Variants in PUDP observed in about 807,000 individuals in gnomAD.
The protein encoded by PUDP is pseudouridine 5'-phosphatase.
PUDP carries 8 observed loss-of-function variants against 9.4 expected under a neutral mutation model. The observed-to-expected ratio is 0.85, with a 90% CI of 0.50 to 1.53. The LOEUF (loss-of-function observed/expected upper bound fraction) is 1.53, where lower values mean the gene tolerates loss of function less well. PUDP is among the 40% of genes most tolerant of loss of function. The pLI, the probability that PUDP is intolerant of heterozygous loss-of-function variation, is 0.00. For missense variants in PUDP, 188 were observed against 189.7 expected (o/e 0.99, Z 0.05); for synonymous variants, 99 against 80.7 (o/e 1.23, Z -1.22).
intron 1 of PUDP, among the ~76,000 whole-genome samples, chrX:7,143,246 T>G (rs895066632): frequency 8.9e-6 from 1 of 111,747 alleles, no homozygotes; most frequent in Admixed American, 9.5e-5. Context: ...CCTAACCTTA[T>G]GTGTACTGGG....
At chrX:6,804,598 T>A (rs1213277664) in intron 3 of PUDP, among the ~76,000 whole-genome samples, 1 of 111,537 alleles carries the variant, frequency 9.0e-6, no homozygotes, top group Non-Finnish European at 1.9e-5. Flanking sequence ...GGGATTGTTT[T>A]GAGTGTCTTA....
intron 2 of PUDP, among the ~76,000 whole-genome samples, chrX:7,082,544 G>C (rs886346573): frequency 2.7e-5 from 3 of 112,314 alleles, no homozygotes; most frequent in Admixed American, 1.9e-4. Context: ...TGTGTGCCGA[G>C]AACCATGTCC....
chrX:6,941,313 C>T (rs1481151596), intron 3 of PUDP, among the ~76,000 whole-genome samples: 2 of 107,092 alleles, frequency 1.9e-5, no homozygotes, highest in African/African-American at 3.4e-5. Context: ...AATTTATTTC[C>T]AGTTTCTTTT....
intron 1 of PUDP, among the ~76,000 whole-genome samples, chrX:7,146,751 C>A (rs1932868030): frequency 9.1e-6 from 1 of 110,298 alleles, no homozygotes; most frequent in African/African-American, 3.3e-5. Context: ...ATATTTAGAA[C>A]TGGATCAATC....
intron 3 of PUDP, among the ~76,000 whole-genome samples, chrX:6,867,319 T>C (rs1003533207): frequency 2.7e-5 from 3 of 112,097 alleles, no homozygotes; most frequent in East Asian, 2.8e-4. Flanking sequence ...TTGAGCTGGG[T>C]AGTGCTCCAG....
chrX:7,029,409 C>T (rs759524296), intron 1 of PUDP, among the ~76,000 whole-genome samples: 3 of 111,801 alleles, frequency 2.7e-5, no homozygotes, highest in Admixed American at 1.9e-4. Context: ...GGAAAGTGGT[C>T]GCTTAAATAA....
intron 3 of PUDP, among the ~76,000 whole-genome samples, chrX:6,947,294 T>C (rs1228413464): frequency 9.0e-6 from 1 of 111,394 alleles, no homozygotes; most frequent in East Asian, 2.8e-4. Context: ...ATTACAGGCA[T>C]GAGTCACTGC....
At chrX:6,881,470 C>T (rs914250578) in intron 3 of PUDP, among the ~76,000 whole-genome samples, 3 of 111,469 alleles carry the variant, frequency 2.7e-5, no homozygotes, top group Non-Finnish European at 5.6e-5. Flanking sequence ...AGATATCCCT[C>T]GGTGAGTGGG....
Position 6,751,161 on chromosome X carries a change from AAAAGAAAGAAAG to A in PUDP, c.*248-44707_*248-44696del, listed in dbSNP as rs1224316322. On this transcript the variant is annotated intron_variant and NMD_transcript_variant, in intron 3 of 3. Coordinates refer to the PUDP transcript ENST00000655425. ...CGTCTAAAAAAAAGGAAAGAAAGAA[AAAAGAAAGAAAG>A]AAAGAAAAAAAGAAAGAAAGAAAGA... is the stretch of plus-strand genomic sequence containing the variant. 4.5e-5 allele frequency among the ~76,000 whole-genome samples: 5 copies of A among 110,399 alleles called. No individual in the cohort carries two copies. In the South Asian group the frequency reaches 1.6e-3, roughly 34 times the overall value.
chrX:6,985,010 G>T (rs942780925), intron 1 of PUDP, among the ~76,000 whole-genome samples: 2 of 111,827 alleles, frequency 1.8e-5, no homozygotes, highest in Non-Finnish European at 3.8e-5. Context: ...GTGCTTTTGG[G>T]TTGGTCAAAA....
chrX:6,996,580 G>GTA (rs959949976), intron 1 of PUDP, among the ~76,000 whole-genome samples: 7 of 104,832 alleles, frequency 6.7e-5, no homozygotes, highest in Non-Finnish European at 3.9e-5. Flanking sequence ...ACATATATAT[G>GTA]TATATATATA....
chrX:6,810,110 A>C (rs968153631), intron 3 of PUDP, among the ~76,000 whole-genome samples: 17 of 110,367 alleles, frequency 1.5e-4, no homozygotes, highest in Non-Finnish European at 3.2e-4. Context: ...ATATGAGGAG[A>C]TCAGAAAATG....
At chrX:6,725,108 G>A (rs1924724389), upstream of PUDP, among the ~76,000 whole-genome samples, 1 of 111,657 alleles carries the variant, frequency 9.0e-6, no homozygotes, top group Admixed American at 9.5e-5. Context: ...TGATAGAACT[G>A]GCACAGGTGT....
intron 3 of PUDP, among the ~76,000 whole-genome samples, chrX:6,862,530 G>A (rs1466310912): frequency 8.9e-6 from 1 of 111,948 alleles, no homozygotes; most frequent in African/African-American, 3.2e-5. Context: ...TCATTAAAGT[G>A]AAAATTTTAA....
At chrX:6,995,666 G>A (rs1316752026) in intron 1 of PUDP, among the ~76,000 whole-genome samples, 1 of 110,160 alleles carries the variant, frequency 9.1e-6, no homozygotes. Flanking sequence ...GGAGGTTGCA[G>A]TGAGCTGAGA....
chrX:6,861,492 G>A (rs192482848), intron 3 of PUDP, among the ~76,000 whole-genome samples: 103 of 111,722 alleles, frequency 9.2e-4, no homozygotes, highest in African/African-American at 3.1e-3. Flanking sequence ...TCCATGTGTC[G>A]TTAATGTTAT....
chrX:6,902,357 G>A (rs1164098846), intron 3 of PUDP, among the ~76,000 whole-genome samples: 1 of 111,824 alleles, frequency 8.9e-6, no homozygotes, highest in African/African-American at 3.2e-5. Context: ...TTTGGGCTGG[G>A]CAATTCCTGG....
chrX:6,908,593 G>T (rs1363757765), intron 3 of PUDP, among the ~76,000 whole-genome samples: 2 of 111,694 alleles, frequency 1.8e-5, no homozygotes, highest in East Asian at 5.6e-4. Context: ...ACATAGATGT[G>T]TGAAAATAGT....
rs1602677355 is a variant in PUDP, at chrX:6,930,657, C to T, written c.*247+46476G>A. Among the ~76,000 whole-genome samples, 4 of 110,871 alleles carry T rather than the reference C, an allele frequency of 3.6e-5. No homozygotes were observed. In the Admixed American group the frequency reaches 3.8e-4, roughly 11 times the overall value. On this transcript the variant is annotated intron_variant and NMD_transcript_variant, in intron 3 of 3. Transcript: ENST00000655425. The stretch of plus-strand genomic sequence containing the variant: ...CCAGCAGCCCATGGGGCTGCTCTGC[C>T]TATGGAGTAGCCATTCTTTTGTTCC...
Sources: allele counts gnomAD v4.1 joint callset (sites outside exome capture counted in the v4.1 genomes callset), GRCh38; gene constraint gnomAD v4.1.1; transcripts MANE v1.5; gene names NCBI Gene and HGNC (gene_info 2026-07-23, HGNC 2026-07-21).